Variants in DISC1 observed in about 807,000 individuals in gnomAD.
DISC1 encodes disrupted in schizophrenia 1 protein.
DISC1 carries 57 observed loss-of-function variants against 84.5 expected under a neutral mutation model. That is an observed-to-expected ratio of 0.67 (90% CI 0.55 to 0.84). DISC1 has a LOEUF of 0.84. DISC1 is among the 40% of genes least tolerant of loss of function. The probability of loss-of-function intolerance (pLI) is 0.00; values close to 1 mark genes in which losing one functional copy is unlikely to be tolerated. For synonymous variants in DISC1, 411 were observed against 415.2 expected, an observed-to-expected ratio of 0.99 and a Z score of 0.12; for missense variants, 1,000 against 1,057.8, an observed-to-expected ratio of 0.95 and a Z score of 0.76.
chr1:231,702,051 T>C (rs1275271599), intron 3 of DISC1, 27 bp downstream of exon 3: 1 of 1,595,932 alleles, frequency 6.3e-7, no homozygotes, highest in East Asian at 2.3e-5. Context: ...TTATTGATTG[T>C]TTTGTCATCA....
chr1:231,874,642 T>G (rs1168418766), intron 9 of DISC1, among the ~76,000 whole-genome samples: 3 of 150,698 alleles, frequency 2.0e-5, no homozygotes, highest in African/African-American at 4.9e-5. Flanking sequence ...CTGGGCGTGG[T>G]GGCTCACGCC....
intron 1 of DISC1, among the ~76,000 whole-genome samples, chr1:231,636,622 G>A (rs538391747): frequency 6.6e-6 from 1 of 152,024 alleles, no homozygotes; most frequent in Non-Finnish European, 1.5e-5. Flanking sequence ...TTTTTGAAAA[G>A]CATAAGGTAA....
intron 9 of DISC1, among the ~76,000 whole-genome samples, chr1:231,955,982 AG>A (rs1232971204): frequency 6.6e-6 from 1 of 152,222 alleles, no homozygotes; most frequent in East Asian, 1.9e-4. Flanking sequence ...AGAAGCAGAA[AG>A]GGTACTCTGA....
At chr1:231,957,014 T>G (rs1207969779) in intron 9 of DISC1, among the ~76,000 whole-genome samples, 1 of 152,168 alleles carries the variant, frequency 6.6e-6, no homozygotes, top group African/African-American at 2.4e-5. Flanking sequence ...CTGTCCACAT[T>G]CAAGAAGAGG....
chr1:231,864,700 G>T (rs2084929916), intron 9 of DISC1, among the ~76,000 whole-genome samples: 2 of 152,092 alleles, frequency 1.3e-5, no homozygotes, highest in South Asian at 4.1e-4. Context: ...AAAAATCTGA[G>T]GAGGTGGACA....
chr1:231,728,783 G>T (rs2071101886), intron 3 of DISC1, among the ~76,000 whole-genome samples: 2 of 152,006 alleles, frequency 1.3e-5, no homozygotes, highest in South Asian at 4.2e-4. Context: ...TCTAAAATGT[G>T]TCCTGCAGAG....
chr1:232,022,913 C>A (rs543821045), intron 11 of DISC1, among the ~76,000 whole-genome samples: 1 of 152,246 alleles, frequency 6.6e-6, no homozygotes, highest in South Asian at 2.1e-4. Context: ...GTAACTTGTG[C>A]CTTGGAAAAA....
At chr1:231,838,823 G>T (rs116628980) in intron 9 of DISC1, among the ~76,000 whole-genome samples, 1 of 152,162 alleles carries the variant, frequency 6.6e-6, no homozygotes, top group Non-Finnish European at 1.5e-5. Context: ...TCACCGCCTG[G>T]CCTCTCATTC....
At chr1:231,876,053 C>T (rs1437203993) in intron 9 of DISC1, among the ~76,000 whole-genome samples, 1 of 152,176 alleles carries the variant, frequency 6.6e-6, no homozygotes, top group Non-Finnish European at 1.5e-5. Flanking sequence ...CAAGGACACT[C>T]TGAAGGACCC....
Position 231,800,206 on chromosome 1 carries a change from A to G in DISC1, c.1788A>G (p.Ile596Met). 2 of 1,611,066 alleles carry G rather than the reference A, an allele frequency of 1.2e-6. No homozygotes were observed. Among genetic ancestry groups the G allele is most frequent in the African/African-American group, 1.3e-5 (1 of 74,928 alleles). The change falls in exon 8 of 13, where the codon ATA (isoleucine) becomes ATG (methionine). Residue 596 changes from isoleucine to methionine, a missense_variant. Transcript: ENST00000439617. The stretch of plus-strand genomic sequence containing the variant: ...TGCTTGAAGCCAAAATGCATGCCAT[A>G]TCAGGTAACTGGCAGTGTAGGAGAC... ...PALLEAKMHA[I>M]SGNHFWTAKD...
At chr1:231,752,596 A>G (rs1209194222) in intron 4 of DISC1, among the ~76,000 whole-genome samples, 1 of 152,166 alleles carries the variant, frequency 6.6e-6, no homozygotes, top group Non-Finnish European at 1.5e-5. Context: ...TCCAAACCAT[A>G]TCATTCCACC....
rs2062077630 is a variant in DISC1, at chr1:231,666,898, T to A, written c.68-26928T>A. The stretch of plus-strand genomic sequence containing the variant: ...AGTTCTCAGAGAGGGCCTTGTTCTT[T>A]CCCTTTAAATTCAAAATGGCAGTGC... On this transcript the variant is annotated intron_variant, in intron 1 of 12. Transcript: ENST00000439617. Among the ~76,000 whole-genome samples the A allele has an allele frequency of 3.3e-5, 5 of 152,216 alleles. No individual in the cohort carries two copies. In the South Asian group the frequency reaches 1.0e-3, roughly 31 times the overall value.
chr1:231,642,319 G>A (rs12354361), intron 1 of DISC1, among the ~76,000 whole-genome samples: 2 of 152,214 alleles, frequency 1.3e-5, no homozygotes, highest in East Asian at 1.9e-4. Context: ...TGAGGGAGCC[G>A]GCTCCGGCCT....
intron 9 of DISC1, among the ~76,000 whole-genome samples, chr1:231,953,618 A>G (rs56212500): frequency 0.12 from 18,601 of 152,222 alleles, 1,480 homozygotes; most frequent in East Asian, 0.41. Context: ...AGATTTTACT[A>G]AGTGGGAGTT....
At chr1:231,819,091 C>T (rs1238064363) in intron 9 of DISC1, 2 of 986,180 alleles carry the variant, frequency 2.0e-6, no homozygotes, top group Non-Finnish European at 2.4e-6. Flanking sequence ...TGAGCTTACT[C>T]TGAGATTTGC....
At chr1:231,851,436 G>T (rs1185111438) in intron 9 of DISC1, among the ~76,000 whole-genome samples, 1 of 152,176 alleles carries the variant, frequency 6.6e-6, no homozygotes, top group Non-Finnish European at 1.5e-5. Context: ...CTATAAAACA[G>T]TCAGCCCTGA....
intron 10 of DISC1, among the ~76,000 whole-genome samples, chr1:231,972,447 T>G (rs1332234567): frequency 6.6e-6 from 1 of 152,346 alleles, no homozygotes; most frequent in East Asian, 1.9e-4. Flanking sequence ...GATTTCGGAA[T>G]GAATATGGCC....
chr1:231,723,116 C>T, intron 3 of DISC1: 5 of 976,230 alleles, frequency 5.1e-6, no homozygotes, highest in Non-Finnish European at 6.1e-6. Flanking sequence ...TCCACGTGTA[C>T]TCAAGTCTTG....
At chr1:231,905,308 C>T (rs1009178762) in intron 9 of DISC1, among the ~76,000 whole-genome samples, 1 of 152,126 alleles carries the variant, frequency 6.6e-6, no homozygotes, top group Non-Finnish European at 1.5e-5. Flanking sequence ...TTCAGAAGTG[C>T]CAAGGTCAAG....
Sources: gnomAD v4.1 joint callset for allele counts (sites outside exome capture counted in the v4.1 genomes callset) on GRCh38, gnomAD v4.1.1 for gene constraint, MANE v1.5 for transcripts, NCBI Gene and HGNC (gene_info 2026-07-23, HGNC 2026-07-21) for gene names.